The following CFAP61 variants were observed in gnomAD, a reference collection of about 807,000 sequenced individuals.
CFAP61 encodes cilia- and flagella-associated protein 61.
CFAP61 carries 107 observed loss-of-function variants against 135.6 expected under a neutral mutation model. That is an observed-to-expected ratio of 0.79 (90% CI 0.67 to 0.93). The LOEUF is 0.93. Among genes scored for constraint, CFAP61 ranks in the 40% least tolerant of loss-of-function variants. The pLI, the probability that CFAP61 is intolerant of heterozygous loss-of-function variation, is 0.00. For missense variants in CFAP61, 1,507 were observed against 1,556.2 expected, an observed-to-expected ratio of 0.97 and a Z score of 0.53; for synonymous variants, 575 against 578.5, an observed-to-expected ratio of 0.99 and a Z score of 0.09.
intron 25 of CFAP61, among the ~76,000 whole-genome samples, chr20:20,307,542 A>G (rs2056550776): frequency 1.3e-5 from 2 of 152,232 alleles, no homozygotes; most frequent in South Asian, 4.1e-4. Context: ...CCTTCTATAC[A>G]GTATTCCCTC....
chr20:20,219,707 C>T (rs945690932), intron 17 of CFAP61, among the ~76,000 whole-genome samples: 4 of 152,096 alleles, frequency 2.6e-5, no homozygotes, highest in Non-Finnish European at 5.9e-5. Context: ...AATAAATTTA[C>T]CACAGATTAG....
intron 9 of CFAP61, among the ~76,000 whole-genome samples, chr20:20,151,171 T>C (rs940511843): frequency 6.6e-6 from 1 of 151,864 alleles, no homozygotes; most frequent in African/African-American, 2.4e-5. Context: ...AAGATATTTA[T>C]GAAAAATACT....
At chr20:20,128,504 C>T (rs950598808) in intron 8 of CFAP61, among the ~76,000 whole-genome samples, 2 of 151,758 alleles carry the variant, frequency 1.3e-5, no homozygotes, top group African/African-American at 4.9e-5. Context: ...CCCTTTCCCA[C>T]TTTCACAGTT....
chr20:20,080,725 C>T (rs1002711891), intron 6 of CFAP61, among the ~76,000 whole-genome samples: 5 of 152,072 alleles, frequency 3.3e-5, no homozygotes, highest in South Asian at 2.1e-4. Flanking sequence ...GTTTCCTGGC[C>T]GGGCACAGTG....
intron 10 of CFAP61, among the ~76,000 whole-genome samples, chr20:20,160,631 A>T (rs1307513296): frequency 6.6e-6 from 1 of 152,146 alleles, no homozygotes; most frequent in Non-Finnish European, 1.5e-5. Context: ...AAAACACACA[A>T]CCTGGGAGCA....
At chr20:20,089,564 AT>A (rs2047033838) in intron 6 of CFAP61, among the ~76,000 whole-genome samples, 1 of 146,578 alleles carries the variant, frequency 6.8e-6, no homozygotes, top group African/African-American at 2.5e-5. Context: ...ATGCTGAAAC[AT>A]TTTTACAGAA....
At chr20:20,259,272 T>G (rs994108402) in intron 20 of CFAP61, among the ~76,000 whole-genome samples, 2 of 78,066 alleles carry the variant, frequency 2.6e-5, no homozygotes, top group African/African-American at 1.1e-4. Context: ...TTTTTTTTTT[T>G]GACAAGTTCT....
chr20:20,181,193 A>ATG (rs1455607566), intron 13 of CFAP61, among the ~76,000 whole-genome samples: 3 of 138,308 alleles, frequency 2.2e-5, no homozygotes, highest in Admixed American at 7.5e-5. Context: ...ATGCATATAT[A>ATG]TGTATATATA....
At chr20:20,113,593 G>A (rs550734987) in intron 8 of CFAP61, among the ~76,000 whole-genome samples, 1 of 152,220 alleles carries the variant, frequency 6.6e-6, no homozygotes, top group Admixed American at 6.5e-5. Context: ...CTTTACTCAA[G>A]TCTCCTGCCC....
intron 8 of CFAP61, among the ~76,000 whole-genome samples, chr20:20,099,386 T>C (rs905224976): frequency 2.0e-5 from 3 of 152,224 alleles, no homozygotes; most frequent in African/African-American, 4.8e-5. Flanking sequence ...CACGTTCAAT[T>C]AGGTAACCTC....
intron 6 of CFAP61, among the ~76,000 whole-genome samples, chr20:20,086,107 G>C (rs1317886757): frequency 6.6e-6 from 1 of 151,268 alleles, no homozygotes; most frequent in Non-Finnish European, 1.5e-5. Flanking sequence ...TTTTGTACAT[G>C]AGAAAACCAA....
chr20:20,089,762 C>T (rs1321316753), intron 6 of CFAP61, among the ~76,000 whole-genome samples: 6 of 152,100 alleles, frequency 3.9e-5, no homozygotes, highest in African/African-American at 1.2e-4. Context: ...CACCTGCCAC[C>T]GCCCCCTGTG....
chr20:20,327,787 A>AAC (rs2057813090), intron 25 of CFAP61, among the ~76,000 whole-genome samples: 1 of 76,654 alleles, frequency 1.3e-5, no homozygotes, highest in African/African-American at 6.5e-5. Flanking sequence ...CAAAAAAAAA[A>AAC]AAAAAAAAAA....
intron 24 of CFAP61, among the ~76,000 whole-genome samples, chr20:20,294,713 G>A (rs1380754680): frequency 2.6e-5 from 4 of 151,940 alleles, no homozygotes; most frequent in African/African-American, 9.7e-5. Context: ...TGGATCATGA[G>A]GTCAGGAGAT....
intron 26 of CFAP61, among the ~76,000 whole-genome samples, chr20:20,344,457 A>G (rs1263510022): frequency 1.3e-5 from 2 of 152,256 alleles, no homozygotes; most frequent in Admixed American, 6.5e-5. Context: ...TATTTTCTCA[A>G]ATATTGAAAT....
chr20:20,190,339 T>A (rs946878655), intron 14 of CFAP61, among the ~76,000 whole-genome samples: 1 of 152,012 alleles, frequency 6.6e-6, no homozygotes. Flanking sequence ...TTATACTGAG[T>A]GGGGAAAAAA....
chr20:20,330,152 G>T (rs914184418), intron 25 of CFAP61, among the ~76,000 whole-genome samples: 6 of 151,996 alleles, frequency 3.9e-5, no homozygotes, highest in African/African-American at 2.4e-5. Flanking sequence ...AACATAAAAA[G>T]AAACAGAGAA....
intron 25 of CFAP61, among the ~76,000 whole-genome samples, chr20:20,334,680 G>A (rs560010212): frequency 6.6e-6 from 1 of 152,320 alleles, no homozygotes; most frequent in Admixed American, 6.5e-5. Flanking sequence ...TTTCGGTTAT[G>A]TAAATCATAG....
rs537377353 is a variant in CFAP61 at position 20,062,846 on chromosome 20, A to G, written c.143+6050A>G. ...CTGGAGAGATTTTCCATAATTACAC[A>G]CGTTAGGATATCTGTGGTAAAAATG... On this transcript the variant is annotated intron_variant, in intron 2 of 26. Transcript: ENST00000245957. 4.6e-4 allele frequency among the ~76,000 whole-genome samples: 70 copies of G among 152,306 alleles called. 1 individual carries two copies. The highest frequency in any genetic ancestry group is 2.9e-3 in the Admixed American group (44 of 15,300).
Sources: allele counts gnomAD v4.1 joint callset (sites outside exome capture counted in the v4.1 genomes callset), GRCh38; gene constraint gnomAD v4.1.1; transcripts MANE v1.5; gene names NCBI Gene and HGNC (gene_info 2026-07-23, HGNC 2026-07-21).